Variants in MCM9 observed in about 807,000 individuals in gnomAD.
The protein encoded by MCM9 is DNA helicase MCM9.
A neutral mutation model predicts 72.8 loss-of-function variants in MCM9; 55 were observed. That is an observed-to-expected ratio of 0.76 (90% CI 0.61 to 0.95). The LOEUF is 0.95. MCM9 is among the 40% of genes least tolerant of loss of function. The probability of loss-of-function intolerance (pLI) is 0.00; values close to 1 mark genes in which losing one functional copy is unlikely to be tolerated. For missense variants in MCM9, 1,279 were observed against 1,377.0 expected (o/e 0.93, Z 1.13); for synonymous variants, 480 against 503.4 (o/e 0.95, Z 0.62).
intron 8 of MCM9, among the ~76,000 whole-genome samples, chr6:118,891,729 A>T (rs967419550): frequency 6.6e-6 from 1 of 152,138 alleles, no homozygotes; most frequent in Non-Finnish European, 1.5e-5. Context: ...GGGGAGACAT[A>T]ATTCAGTCTA....
At chr6:118,898,993 G>A (rs1338305470) in intron 8 of MCM9, among the ~76,000 whole-genome samples, 4 of 152,048 alleles carry the variant, frequency 2.6e-5, no homozygotes, top group Non-Finnish European at 5.9e-5. Flanking sequence ...TCTCAAATAT[G>A]TCTAAAATGA....
chr6:118,816,876 T>A (rs930213198), intron 13 of MCM9, among the ~76,000 whole-genome samples: 1 of 152,194 alleles, frequency 6.6e-6, no homozygotes, highest in South Asian at 2.1e-4. Flanking sequence ...GTGCTCACAC[T>A]GCCGCCTCCT....
chr6:118,893,975 G>C (rs973463131), intron 8 of MCM9: 3 of 979,482 alleles, frequency 3.1e-6, no homozygotes, highest in South Asian at 9.2e-5. Flanking sequence ...GCCCCTCTCC[G>C]CGCCGCCGCC....
chr6:118,872,388 C>T (rs564514762), intron 8 of MCM9, among the ~76,000 whole-genome samples: 1 of 150,824 alleles, frequency 6.6e-6, no homozygotes, highest in South Asian at 2.1e-4. Flanking sequence ...CTGAACAAAA[C>T]AGTTCTAAAT....
At chr6:118,894,706 C>T (rs1338216228) in intron 8 of MCM9, among the ~76,000 whole-genome samples, 3 of 152,192 alleles carry the variant, frequency 2.0e-5, no homozygotes, top group Admixed American at 6.5e-5. Flanking sequence ...CCGCCGCAGC[C>T]CAGGCGCCTG....
intron 8 of MCM9, among the ~76,000 whole-genome samples, chr6:118,870,345 G>T (rs1329381486): frequency 1.3e-5 from 2 of 151,968 alleles, no homozygotes; most frequent in Non-Finnish European, 2.9e-5. Context: ...TAACAGAAAG[G>T]ACCATGGAAA....
chr6:118,833,184 G>A (rs929474869), intron 9 of MCM9, among the ~76,000 whole-genome samples: 4 of 152,086 alleles, frequency 2.6e-5, no homozygotes, highest in South Asian at 2.1e-4. Context: ...AGACTGACAC[G>A]AACAAGAAAA....
rs186671233 is a variant in MCM9, at chr6:118,909,890, G to A, written c.1150+1760C>T. 3.3e-5 allele frequency among the ~76,000 whole-genome samples: 5 copies of A among 152,290 alleles called. No individual in the cohort carries two copies. The East Asian group carries it at 9.6e-4, about 29-fold the overall frequency. On this transcript the variant is annotated intron_variant, in intron 8 of 13. Transcript: ENST00000619706. ...CCAGCACTTGGGGAGGCTGAGGCGG[G>A]TGGATCATTTGAGGTCAGGAGTTCA...
chr6:118,870,520 T>C (rs1777531905), intron 8 of MCM9, among the ~76,000 whole-genome samples: 1 of 151,714 alleles, frequency 6.6e-6, no homozygotes, highest in Non-Finnish European at 1.5e-5. Flanking sequence ...TAACAATACA[T>C]GTCTACATCA....
chr6:118,902,195 C>T (rs762925643), intron 8 of MCM9, among the ~76,000 whole-genome samples: 6 of 152,146 alleles, frequency 3.9e-5, no homozygotes, highest in Non-Finnish European at 8.8e-5. Context: ...GGAAGCACTG[C>T]AGTTATAGAT....
At chr6:118,855,346 C>T (rs1016949603) in intron 9 of MCM9, among the ~76,000 whole-genome samples, 1 of 152,072 alleles carries the variant, frequency 6.6e-6, no homozygotes, top group African/African-American at 2.4e-5. Flanking sequence ...CTAATAAAAC[C>T]GTGAATACCT....
At chr6:118,858,987 A>G (rs956165450) in intron 8 of MCM9, among the ~76,000 whole-genome samples, 1 of 152,188 alleles carries the variant, frequency 6.6e-6, no homozygotes, top group Non-Finnish European at 1.5e-5. Flanking sequence ...AAACCAAAAA[A>G]CAAGCTTGGA....
intron 8 of MCM9, among the ~76,000 whole-genome samples, chr6:118,888,088 C>T (rs1454398246): frequency 6.6e-6 from 1 of 152,148 alleles, no homozygotes; most frequent in African/African-American, 2.4e-5. Flanking sequence ...TACTATGTCA[C>T]ACACCACCAT....
chr6:118,817,197 T>C (rs1773462442), intron 13 of MCM9, among the ~76,000 whole-genome samples: 1 of 152,140 alleles, frequency 6.6e-6, no homozygotes, highest in African/African-American at 2.4e-5. Flanking sequence ...GGTATACATG[T>C]GCCATGGTGG....
At chr6:118,905,284 AC>A (rs1780100979) in intron 8 of MCM9, among the ~76,000 whole-genome samples, 1 of 152,230 alleles carries the variant, frequency 6.6e-6, no homozygotes, top group South Asian at 2.1e-4. Flanking sequence ...TTTAATACTT[AC>A]TAATTTAGGT....
At chr6:118,893,287 A>G (rs1779067998) in intron 8 of MCM9, among the ~76,000 whole-genome samples, 1 of 152,184 alleles carries the variant, frequency 6.6e-6, no homozygotes, top group African/African-American at 2.4e-5. Context: ...ATTTTTTTGA[A>G]GATCAAATGT....
At chr6:118,909,496 C>T (rs1780386737) in intron 8 of MCM9, among the ~76,000 whole-genome samples, 1 of 151,848 alleles carries the variant, frequency 6.6e-6, no homozygotes, top group South Asian at 2.1e-4. Flanking sequence ...GTTTTTTTTC[C>T]ACCCGGTCTA....
In MCM9 at chr6:118,933,752, A is replaced by C. The variant is rs2114481819; in HGVS notation, c.-149-1012T>G. ...CTATTCCGCAAGGTGTGAAACGTTT[A>C]AGAAGTACATATAGCAGTTAGGTCA... On this transcript the variant is annotated intron_variant, in intron 1 of 13. Coordinates refer to ENST00000619706, the MANE Select transcript of MCM9 (RefSeq NM_017696.3). 2.6e-5 allele frequency among the ~76,000 whole-genome samples: 4 copies of C among 152,258 alleles called. No individual in the cohort carries two copies. In the Middle Eastern group the frequency reaches 0.014, roughly 518 times the overall value.
chr6:118,843,857 C>T (rs1775678399), intron 9 of MCM9, among the ~76,000 whole-genome samples: 1 of 150,894 alleles, frequency 6.6e-6, no homozygotes. Context: ...ACTTTAGTCA[C>T]TTGAGACAGG....
Sources: gnomAD v4.1 joint callset for allele counts (sites outside exome capture counted in the v4.1 genomes callset) on GRCh38, gnomAD v4.1.1 for gene constraint, MANE v1.5 for transcripts, NCBI Gene and HGNC (gene_info 2026-07-23, HGNC 2026-07-21) for gene names.